Variants in EPHX2 observed in about 807,000 individuals in gnomAD.
EPHX2 encodes the protein epoxide hydrolase 2, also known as bifunctional epoxide hydrolase 2.
A neutral mutation model predicts 78.7 loss-of-function variants in EPHX2; 74 were observed. That is an observed-to-expected ratio of 0.94 (90% CI 0.78 to 1.14). The LOEUF is 1.14. EPHX2 is among the 50% of genes most tolerant of loss of function. The pLI, the probability that EPHX2 is intolerant of heterozygous loss-of-function variation, is 0.00. For missense variants in EPHX2, 715 were observed against 702.5 expected (o/e 1.02, Z -0.20); for synonymous variants, 251 against 255.2 (o/e 0.98, Z 0.16).
chr8:27,511,577 A>G (rs959940770), intron 5 of EPHX2, among the ~76,000 whole-genome samples: 1 of 152,202 alleles, frequency 6.6e-6, no homozygotes, highest in Non-Finnish European at 1.5e-5. Flanking sequence ...TTAATGTGCC[A>G]GGTAGGAGGC....
At chr8:27,519,829 G>C (rs919698671) in intron 9 of EPHX2, among the ~76,000 whole-genome samples, 33 of 152,142 alleles carry the variant, frequency 2.2e-4, no homozygotes, top group African/African-American at 7.7e-4. Flanking sequence ...ACCTGTCTTA[G>C]AGCAGGAACT....
Position 27,543,664 on chromosome 8 carries a change from G to T in EPHX2, c.1450-85G>T, listed in dbSNP as rs558648393. On this transcript the variant is annotated intron_variant, in intron 16 of 18. Transcript: ENST00000521400. ...AGATACAACGTCAGGACCACAGCAG[G>T]GTGGCGAGCAGGGGTCTTTCAGAGG... The T allele has an allele frequency of 4.4e-5, 60 of 1,361,354 alleles. 1 individual carries two copies. In the South Asian group the frequency reaches 6.8e-4, roughly 15 times the overall value. The allele number at this position is 1,361,354 out of a possible 1,614,324, so 84.3% of individuals were successfully genotyped here. A position where few individuals can be genotyped will look rare whatever the true frequency, so the allele number is the denominator to read the frequency against.
chr8:27,529,533 CAT>C (rs1162270549), intron 12 of EPHX2, among the ~76,000 whole-genome samples: 2 of 152,116 alleles, frequency 1.3e-5, no homozygotes, highest in Non-Finnish European at 2.9e-5. Flanking sequence ...TTAAACCGCA[CAT>C]GTGTATTTTT....
At chr8:27,507,945 G>A (rs186841058) in intron 5 of EPHX2, among the ~76,000 whole-genome samples, 45 of 152,128 alleles carry the variant, frequency 3.0e-4, no homozygotes, top group African/African-American at 1.0e-3. Context: ...CCCTAATGAC[G>A]TCCTTTAACC....
intron 6 of EPHX2, among the ~76,000 whole-genome samples, chr8:27,514,586 C>G (rs1348169573): frequency 1.3e-5 from 2 of 152,204 alleles, no homozygotes; most frequent in African/African-American, 4.8e-5. Context: ...TATTTCTCGC[C>G]TACAGCACAG....
At chr8:27,511,113 C>A (rs1383811881) in intron 5 of EPHX2, among the ~76,000 whole-genome samples, 1 of 152,192 alleles carries the variant, frequency 6.6e-6, no homozygotes, top group Non-Finnish European at 1.5e-5. Flanking sequence ...CTTTGGACTT[C>A]CAGCCTCCAG....
At chr8:27,492,194 C>A (rs376456191) in intron 1 of EPHX2, among the ~76,000 whole-genome samples, 45 of 152,218 alleles carry the variant, frequency 3.0e-4, no homozygotes, top group African/African-American at 1.0e-3. Flanking sequence ...TGTCCGGAGC[C>A]TTTGCTTTTA....
intron 6 of EPHX2, among the ~76,000 whole-genome samples, chr8:27,514,719 G>A (rs1357426993): frequency 6.6e-6 from 1 of 152,050 alleles, no homozygotes; most frequent in Admixed American, 6.5e-5. Context: ...GGGAGGCCAC[G>A]CACAGGAGGT....
At chr8:27,537,778 C>T (rs1311202650) in intron 13 of EPHX2, among the ~76,000 whole-genome samples, 2 of 152,136 alleles carry the variant, frequency 1.3e-5, no homozygotes, top group Non-Finnish European at 2.9e-5. Context: ...CTCTCTCCCT[C>T]TCGCAAACTC....
chr8:27,537,697 T>G (rs1021316618), intron 13 of EPHX2, among the ~76,000 whole-genome samples: 5 of 152,216 alleles, frequency 3.3e-5, no homozygotes, highest in Admixed American at 3.3e-4. Context: ...CTTGTTGTAT[T>G]CTTATTTTTC....
At chr8:27,503,569 G>A (rs1285410516) in intron 2 of EPHX2, 35 bp from the exon 3 acceptor site, 23 of 1,575,084 alleles carry the variant, frequency 1.5e-5, no homozygotes, top group Non-Finnish European at 1.9e-5. Context: ...TTTCTGAGTG[G>A]CCATACAAAT....
chr8:27,500,884 C>T, intron 1 of EPHX2, 42 bp from the exon 2 acceptor site: 1 of 1,572,248 alleles, frequency 6.4e-7, no homozygotes, highest in Non-Finnish European at 8.7e-7. Flanking sequence ...GCTGCCATGA[C>T]AAAATCCACA....
chr8:27,511,701 G>T (rs1814254442), intron 5 of EPHX2, 135 bp from the exon 6 acceptor site: 4 of 809,648 alleles, frequency 4.9e-6, no homozygotes, highest in Non-Finnish European at 8.1e-6. Flanking sequence ...GAGATGGGCT[G>T]GTCAGCCACC....
At chr8:27,495,960 G>C (rs1195982383) in intron 1 of EPHX2, among the ~76,000 whole-genome samples, 1 of 152,022 alleles carries the variant, frequency 6.6e-6, no homozygotes, top group African/African-American at 2.4e-5. Flanking sequence ...TTGCCCTCTG[G>C]GTCTCCTTGA....
At chr8:27,516,898 C>T (rs973309783) in intron 8 of EPHX2, among the ~76,000 whole-genome samples, 10 of 151,458 alleles carry the variant, frequency 6.6e-5, no homozygotes, top group Middle Eastern at 3.4e-3. Context: ...ATGTTATAGA[C>T]GGCACCACAA....
chr8:27,514,830 C>T (rs1194584959), intron 6 of EPHX2, among the ~76,000 whole-genome samples: 2 of 152,046 alleles, frequency 1.3e-5, no homozygotes, highest in Non-Finnish European at 2.9e-5. Context: ...AGGTGCTCTG[C>T]GAGATGCTAC....
chr8:27,494,069 T>C (rs1381213531), intron 1 of EPHX2, among the ~76,000 whole-genome samples: 1 of 152,022 alleles, frequency 6.6e-6, no homozygotes, highest in African/African-American at 2.4e-5. Context: ...GACTGTTTGT[T>C]AAACAGGGAG....
intron 12 of EPHX2, among the ~76,000 whole-genome samples, chr8:27,530,389 A>G (rs1274539092): frequency 6.6e-6 from 1 of 152,254 alleles, no homozygotes; most frequent in African/African-American, 2.4e-5. Flanking sequence ...CGAGCTACTA[A>G]TAGCTACTAC....
Position 27,511,824 on chromosome 8 carries a change from T to C in EPHX2, c.661-12T>C. The C allele has an allele frequency of 6.2e-7, 1 of 1,614,008 alleles. No individual in the cohort carries two copies. The highest frequency in any genetic ancestry group is 1.7e-5 in the Admixed American group (1 of 60,012). On this transcript the variant is annotated splice_polypyrimidine_tract_variant and intron_variant, in intron 5 of 18. Coordinates refer to ENST00000521400, the MANE Select transcript of EPHX2 (RefSeq NM_001979.6). ...GCTGCTGTCTCTCTCACTATACCTT[T>C]CCTGCTTACAGCTTCTCAATACCCC...
Sources: gnomAD v4.1 joint callset for allele counts (sites outside exome capture counted in the v4.1 genomes callset) on GRCh38, gnomAD v4.1.1 for gene constraint, MANE v1.5 for transcripts, NCBI Gene and HGNC (gene_info 2026-07-23, HGNC 2026-07-21) for gene names.